Variants in ADGRB3 observed in about 807,000 individuals in gnomAD.
The protein encoded by ADGRB3 is adhesion G protein-coupled receptor B3.
Under a neutral mutation model 193.4 loss-of-function variants are expected in ADGRB3, and 37 were observed. The observed-to-expected ratio is 0.19, with a 90% CI of 0.15 to 0.25. The LOEUF (loss-of-function observed/expected upper bound fraction) is 0.25, where lower values mean the gene tolerates loss of function less well. Among genes scored for constraint, ADGRB3 ranks in the 10% least tolerant of loss-of-function variants. ADGRB3 has a pLI of 1.00. For missense variants in ADGRB3, 1,637 were observed against 1,852.9 expected (o/e 0.88, Z 2.14); for synonymous variants, 690 against 644.2 (o/e 1.07, Z -1.08).
At chr6:68,769,943 G>A (rs938923310) in intron 3 of ADGRB3, among the ~76,000 whole-genome samples, 2 of 152,028 alleles carry the variant, frequency 1.3e-5, no homozygotes, top group African/African-American at 4.8e-5. Context: ...ACTTCCTGTT[G>A]AAATTAACTG....
At chr6:68,725,780 C>T (rs546607234) in intron 3 of ADGRB3, among the ~76,000 whole-genome samples, 7 of 151,678 alleles carry the variant, frequency 4.6e-5, no homozygotes, top group African/African-American at 1.7e-4. Flanking sequence ...GATGAGTCAA[C>T]ACTAGCACAG....
intron 17 of ADGRB3, among the ~76,000 whole-genome samples, chr6:69,109,948 T>C (rs1773324318): frequency 1.2e-4 from 2 of 16,520 alleles, no homozygotes; most frequent in African/African-American, 2.4e-4. Context: ...CTTCTTTAAT[T>C]TTTTTTTTTT....
chr6:68,832,414 C>G (rs1241595646), intron 3 of ADGRB3, among the ~76,000 whole-genome samples: 1 of 152,114 alleles, frequency 6.6e-6, no homozygotes, highest in Admixed American at 6.6e-5. Flanking sequence ...CGACTAGACT[C>G]TTAATTTCCA....
chr6:68,760,943 T>G (rs1355931923), intron 3 of ADGRB3, among the ~76,000 whole-genome samples: 2 of 152,238 alleles, frequency 1.3e-5, no homozygotes, highest in Non-Finnish European at 2.9e-5. Context: ...ATTTTTCCTT[T>G]TGCTAAACTT....
intron 24 of ADGRB3, among the ~76,000 whole-genome samples, chr6:69,335,967 ATGTT>A (rs1337397786): frequency 6.6e-6 from 1 of 152,102 alleles, no homozygotes; most frequent in African/African-American, 2.4e-5. Context: ...TAATAAGTGA[ATGTT>A]TAATAAATAA....
At chr6:69,349,947 T>C (rs1361451398) in intron 26 of ADGRB3, among the ~76,000 whole-genome samples, 3 of 152,164 alleles carry the variant, frequency 2.0e-5, no homozygotes, top group Non-Finnish European at 4.4e-5. Context: ...CGCTCGGTGC[T>C]CTTCCCTAGC....
At chr6:68,705,024 A>G (rs939888363) in intron 3 of ADGRB3, among the ~76,000 whole-genome samples, 1 of 152,182 alleles carries the variant, frequency 6.6e-6, no homozygotes, top group African/African-American at 2.4e-5. Flanking sequence ...AGAAAGCTAC[A>G]TTTTTGAAAT....
chr6:68,915,349 G>A (rs1766848623), intron 3 of ADGRB3, among the ~76,000 whole-genome samples: 1 of 152,094 alleles, frequency 6.6e-6, no homozygotes, highest in Non-Finnish European at 1.5e-5. Context: ...CCAGCCACAT[G>A]GCAGGATGGG....
intron 17 of ADGRB3, among the ~76,000 whole-genome samples, chr6:69,157,168 T>C (rs144396279): frequency 3.0e-4 from 45 of 152,344 alleles, no homozygotes; most frequent in Non-Finnish European, 3.8e-4. Flanking sequence ...TAATATCTAC[T>C]TTATAGGATC....
intron 20 of ADGRB3, among the ~76,000 whole-genome samples, chr6:69,257,748 A>G (rs1281485700): frequency 6.6e-6 from 1 of 152,214 alleles, no homozygotes; most frequent in African/African-American, 2.4e-5. Context: ...GGGAGATAGC[A>G]TGAATTTTGT....
At chr6:68,923,594 A>G (rs1477871611) in intron 3 of ADGRB3, among the ~76,000 whole-genome samples, 2 of 152,066 alleles carry the variant, frequency 1.3e-5, no homozygotes, top group African/African-American at 4.8e-5. Flanking sequence ...GAATATTTTA[A>G]GTTATTTCAG....
chr6:68,685,119 C>CACAG (rs919249050), intron 3 of ADGRB3, among the ~76,000 whole-genome samples: 5 of 152,094 alleles, frequency 3.3e-5, no homozygotes, highest in African/African-American at 1.2e-4. Flanking sequence ...TTGTACCATA[C>CACAG]ACAGACAGAG....
intron 3 of ADGRB3, among the ~76,000 whole-genome samples, chr6:68,844,104 G>A (rs184705668): frequency 6.6e-6 from 1 of 152,236 alleles, no homozygotes; most frequent in Admixed American, 6.5e-5. Context: ...CTGGGACATT[G>A]GTCTGGGCAA....
intron 13 of ADGRB3, among the ~76,000 whole-genome samples, chr6:69,028,493 C>A (rs1313930114): frequency 6.6e-6 from 1 of 152,080 alleles, no homozygotes; most frequent in African/African-American, 2.4e-5. Flanking sequence ...TAACCCTGGA[C>A]TTTAATGTCG....
intron 17 of ADGRB3, among the ~76,000 whole-genome samples, chr6:69,178,791 G>A (rs775803414): frequency 1.3e-5 from 2 of 152,088 alleles, no homozygotes; most frequent in African/African-American, 2.4e-5. Context: ...GTCTCTATTG[G>A]TTTATAAGGT....
At chr6:69,324,089 G>T (rs111401990) in intron 20 of ADGRB3, among the ~76,000 whole-genome samples, 4 of 152,158 alleles carry the variant, frequency 2.6e-5, no homozygotes, top group African/African-American at 9.6e-5. Context: ...GAAAAAAGTA[G>T]CAACCTTTAC....
intron 17 of ADGRB3, among the ~76,000 whole-genome samples, chr6:69,208,753 A>G (rs1765592467): frequency 1.3e-5 from 2 of 152,188 alleles, no homozygotes; most frequent in South Asian, 2.1e-4. Flanking sequence ...AAACTTCTTC[A>G]TGTAACTTAC....
At chr6:69,235,203 T>C (rs1766234065) in intron 19 of ADGRB3, 68 bp downstream of exon 19, 1 of 1,199,630 alleles carries the variant, frequency 8.3e-7, no homozygotes, top group South Asian at 1.3e-5. Flanking sequence ...AGGAATGTGA[T>C]AATTATTAAA....
chr6:68,986,510 T>C (rs1010194024), intron 10 of ADGRB3, among the ~76,000 whole-genome samples: 1 of 152,200 alleles, frequency 6.6e-6, no homozygotes, highest in African/African-American at 2.4e-5. Context: ...TTAAGAAATA[T>C]TCATTTACCA....
Sources: allele counts gnomAD v4.1 joint callset (sites outside exome capture counted in the v4.1 genomes callset), GRCh38; gene constraint gnomAD v4.1.1; transcripts MANE v1.5; gene names NCBI Gene and HGNC (gene_info 2026-07-23, HGNC 2026-07-21).